RBMS3: variants seen among roughly 807,000 people sequenced by gnomAD.
The protein encoded by RBMS3 is RNA binding motif single stranded interacting protein 3, also known as RNA-binding motif, single-stranded-interacting protein 3.
RBMS3 carries 27 observed loss-of-function variants against 66.8 expected under a neutral mutation model. That is an observed-to-expected ratio of 0.40 (90% confidence interval 0.30 to 0.56). The LOEUF (loss-of-function observed/expected upper bound fraction) is 0.56. Ranked by LOEUF, RBMS3 falls within the 20% of genes least tolerant of loss-of-function variation. RBMS3 has a pLI of 0.40. For synonymous variants in RBMS3, 188 were observed against 183.0 expected, an observed-to-expected ratio of 1.03 and a Z score of -0.22; for missense variants, 513 against 549.5, an observed-to-expected ratio of 0.93 and a Z score of 0.66.
intron 6 of RBMS3, among the ~76,000 whole-genome samples, chr3:29,859,171 T>C (rs753315571): frequency 2.0e-5 from 3 of 152,236 alleles, no homozygotes; most frequent in Non-Finnish European, 2.9e-5. Flanking sequence ...CTGACACTTA[T>C]AAATATAATC....
At chr3:29,513,003 CTA>C in intron 3 of RBMS3, among the ~76,000 whole-genome samples, 1 of 152,232 alleles carries the variant, frequency 6.6e-6, no homozygotes, top group Non-Finnish European at 1.5e-5. Context: ...ACCATTTGTG[CTA>C]TGTGTCATAA....
At chr3:29,908,801 AAAT>A (rs1253262075) in intron 10 of RBMS3, among the ~76,000 whole-genome samples, 3 of 152,172 alleles carry the variant, frequency 2.0e-5, no homozygotes, top group Non-Finnish European at 4.4e-5. Context: ...GGAGGAGAGA[AAAT>A]AAGAAATAAT....
intron 1 of RBMS3, among the ~76,000 whole-genome samples, chr3:29,399,817 G>A (rs2039727708): frequency 6.6e-6 from 1 of 152,128 alleles, no homozygotes; most frequent in Non-Finnish European, 1.5e-5. Flanking sequence ...TAGGCAGGTA[G>A]AGAAGTAAAA....
chr3:29,987,161 T>G (rs1698444702), intron 12 of RBMS3, among the ~76,000 whole-genome samples: 2 of 152,190 alleles, frequency 1.3e-5, no homozygotes, highest in African/African-American at 4.8e-5. Flanking sequence ...CAAAAAATCA[T>G]TCCTCTAAAC....
At chr3:29,908,486 A>G (rs995210773) in intron 10 of RBMS3, among the ~76,000 whole-genome samples, 2 of 152,182 alleles carry the variant, frequency 1.3e-5, no homozygotes, top group Non-Finnish European at 2.9e-5. Flanking sequence ...AAAAATAATC[A>G]GTTGCCAACT....
Position 29,660,243 on chromosome 3 carries a change from A to G in RBMS3, c.399+73038A>G, listed in dbSNP as rs113848599. 8.0e-3 allele frequency among the ~76,000 whole-genome samples: 1,219 copies of G among 152,072 alleles called. 18 individuals are homozygous for G. Among genetic ancestry groups the G allele is most frequent in the African/African-American group, 0.028 (1,161 of 41,392 alleles). On this transcript the variant is annotated intron_variant, in intron 4 of 14. Transcript: ENST00000383767. ...TTGATGGTCTGTTATTATGTGCATA[A>G]AAGTTCATAATCATTAATCATCTTG...
intron 6 of RBMS3, among the ~76,000 whole-genome samples, chr3:29,829,002 CT>C (rs1364245738): frequency 2.2e-5 from 1 of 44,490 alleles, no homozygotes; most frequent in Non-Finnish European, 5.7e-5. Context: ...TTCTTTCTTT[CT>C]TTCTTTCTTT....
At chr3:29,367,299 G>A (rs1420625316) in intron 1 of RBMS3, among the ~76,000 whole-genome samples, 1 of 152,046 alleles carries the variant, frequency 6.6e-6, no homozygotes, top group Non-Finnish European at 1.5e-5. Flanking sequence ...GTATATCTAT[G>A]CTAAAACATA....
At chr3:29,431,604 T>G (rs2041207983) in intron 1 of RBMS3, among the ~76,000 whole-genome samples, 1 of 152,182 alleles carries the variant, frequency 6.6e-6, no homozygotes, top group Admixed American at 6.5e-5. Context: ...AAACGTTTAT[T>G]TCAAAGAAGA....
At chr3:29,932,218 C>T (rs1276711846) in intron 10 of RBMS3, among the ~76,000 whole-genome samples, 1 of 152,030 alleles carries the variant, frequency 6.6e-6, no homozygotes, top group Non-Finnish European at 1.5e-5. Context: ...GTCAGCCCAT[C>T]AAAAATGCAG....
chr3:29,662,279 T>C (rs1387330402), intron 4 of RBMS3, among the ~76,000 whole-genome samples: 2 of 152,182 alleles, frequency 1.3e-5, no homozygotes, highest in African/African-American at 2.4e-5. Flanking sequence ...GTTACACACT[T>C]TGACATCTCC....
chr3:29,291,055 A>T (rs573583931), intron 1 of RBMS3, among the ~76,000 whole-genome samples: 1 of 151,986 alleles, frequency 6.6e-6, no homozygotes, highest in Non-Finnish European at 1.5e-5. Flanking sequence ...AAAAAAACCT[A>T]ATCTACAAAT....
chr3:29,453,032 A>G (rs776878952), intron 2 of RBMS3, among the ~76,000 whole-genome samples: 31 of 152,186 alleles, frequency 2.0e-4, no homozygotes, highest in Non-Finnish European at 1.0e-4. Flanking sequence ...TAATATGTTG[A>G]TACATTGGAG....
At chr3:29,759,119 A>G (rs2055552475) in intron 5 of RBMS3, among the ~76,000 whole-genome samples, 1 of 152,130 alleles carries the variant, frequency 6.6e-6, no homozygotes, top group African/African-American at 2.4e-5. Flanking sequence ...GACCCAGAAC[A>G]TTCTACTAAT....
At chr3:29,937,597 G>C (rs1041853262) in intron 11 of RBMS3, among the ~76,000 whole-genome samples, 6 of 151,960 alleles carry the variant, frequency 3.9e-5, no homozygotes, top group Non-Finnish European at 5.9e-5. Flanking sequence ...TAAGATCTCA[G>C]TTGCAGAACC....
At chr3:29,302,245 C>T (rs1410433536) in intron 1 of RBMS3, among the ~76,000 whole-genome samples, 1 of 151,968 alleles carries the variant, frequency 6.6e-6, no homozygotes, top group Non-Finnish European at 1.5e-5. Flanking sequence ...CTCCTGGGCT[C>T]AAGTAACCCT....
At chr3:29,850,393 C>A (rs2058902993) in intron 6 of RBMS3, among the ~76,000 whole-genome samples, 1 of 152,126 alleles carries the variant, frequency 6.6e-6, no homozygotes, top group Non-Finnish European at 1.5e-5. Context: ...CAATCTACTT[C>A]ATTAATATTC....
intron 4 of RBMS3, among the ~76,000 whole-genome samples, chr3:29,658,960 C>T (rs760190979): frequency 1.7e-4 from 26 of 151,952 alleles, no homozygotes; most frequent in African/African-American, 2.7e-4. Context: ...GTAGCTGGGA[C>T]TACAGGCACG....
intron 12 of RBMS3, among the ~76,000 whole-genome samples, chr3:29,983,398 C>T (rs1698142703): frequency 6.6e-6 from 1 of 152,026 alleles, no homozygotes; most frequent in African/African-American, 2.4e-5. Flanking sequence ...TTAATTGGGG[C>T]ATTTAGCTCA....
Sources: allele counts gnomAD v4.1 joint callset (sites outside exome capture counted in the v4.1 genomes callset), GRCh38; gene constraint gnomAD v4.1.1; transcripts MANE v1.5; gene names NCBI Gene and HGNC (gene_info 2026-07-23, HGNC 2026-07-21).